The following BFSP1 variants were observed in gnomAD, a reference collection of about 807,000 sequenced individuals.
The protein encoded by BFSP1 is beaded filament structural protein 1.
In BFSP1, 38 loss-of-function variants were observed where a neutral mutation model predicts 43.9. The ratio of observed to expected loss-of-function variants is 0.87; its 90% confidence interval spans 0.67 to 1.14. BFSP1 has a LOEUF of 1.14. BFSP1 is among the 50% of genes most tolerant of loss of function. The pLI is 0.00. For synonymous variants in BFSP1, 352 were observed against 354.8 expected, an observed-to-expected ratio of 0.99 and a Z score of 0.09; for missense variants, 850 against 875.1, an observed-to-expected ratio of 0.97 and a Z score of 0.36.
upstream of BFSP1, chr20:17,558,976 C>A: frequency 2.8e-6 from 1 of 356,032 alleles, no homozygotes; most frequent in Non-Finnish European, 5.0e-6. Flanking sequence ...AGGGGACCAC[C>A]TCTTAATGAC....
At chr20:17,538,139 A>C (rs2034660308) in intron 1 of BFSP1, among the ~76,000 whole-genome samples, 1 of 147,258 alleles carries the variant, frequency 6.8e-6, no homozygotes, top group African/African-American at 2.5e-5. Context: ...AAAAAAAGAA[A>C]GAGAGAAAGG....
exon 1 of BFSP1, chr20:17,558,742 C>G: frequency 6.4e-7 from 1 of 1,551,128 alleles, no homozygotes. Context: ...CCATTCAGCT[C>G]ACATCCAAGG....
intron 1 of BFSP1, among the ~76,000 whole-genome samples, chr20:17,538,489 A>G (rs745514060): frequency 2.0e-5 from 3 of 152,212 alleles, no homozygotes; most frequent in Non-Finnish European, 4.4e-5. Flanking sequence ...GTGTTTCTTA[A>G]TGATAGCAAG....
At chr20:17,559,931 G>A (rs955946748), upstream of BFSP1, among the ~76,000 whole-genome samples, 4 of 152,048 alleles carry the variant, frequency 2.6e-5, no homozygotes, top group African/African-American at 4.8e-5. Context: ...GACTGGCAGT[G>A]GAAATATTGG....
chr20:17,498,779 G>C, intron 6 of BFSP1, 41 bp downstream of exon 6: 1 of 1,592,734 alleles, frequency 6.3e-7, no homozygotes, highest in Non-Finnish European at 8.6e-7. Flanking sequence ...AAAGAGTTGT[G>C]GAAGGAATAA....
chr20:17,535,769 C>T (rs2034618332), upstream of BFSP1, among the ~76,000 whole-genome samples: 1 of 151,996 alleles, frequency 6.6e-6, no homozygotes, highest in African/African-American at 2.4e-5. Context: ...AGTGTGATCA[C>T]CTTTGCAGTA....
At chr20:17,552,911 C>T (rs372677794) in intron 1 of BFSP1, among the ~76,000 whole-genome samples, 2 of 152,278 alleles carry the variant, frequency 1.3e-5, no homozygotes, top group East Asian at 1.9e-4. Flanking sequence ...AGTCAGAAAT[C>T]TGGAGAGAGG....
chr20:17,524,968 C>T (rs1475176014), intron 1 of BFSP1, 60 bp from the exon 2 acceptor site: 20 of 1,433,134 alleles, frequency 1.4e-5, no homozygotes, highest in Non-Finnish European at 2.0e-5. Context: ...ATGTATGGAT[C>T]ACATAATCAG....
chr20:17,511,769 G>A (rs1022342625), intron 4 of BFSP1, among the ~76,000 whole-genome samples: 33 of 152,138 alleles, frequency 2.2e-4, no homozygotes, highest in Non-Finnish European at 1.6e-4. Flanking sequence ...TCAAGGATGC[G>A]GTTTACATCC....
chr20:17,562,526 CAAAAAAAAAAAA>C (rs550158623), upstream of BFSP1, among the ~76,000 whole-genome samples: 1 of 48,018 alleles, frequency 2.1e-5, no homozygotes, highest in South Asian at 9.7e-4. Flanking sequence ...GACTCTGTCT[CAAAAAAAAAAAA>C]AAAAAAAAAA....
rs1164192082 is a variant in BFSP1, at chr20:17,494,593, A to T, written c.1479T>A (p.Gly493=). The T allele has an allele frequency of 6.2e-7, 1 of 1,613,870 alleles. No individual in the cohort carries two copies. The highest frequency in any genetic ancestry group is 2.2e-5 in the East Asian group (1 of 44,888). The stretch of plus-strand genomic sequence containing the variant: ...CTTCCGCAACAGAAACAGCCACCCC[A>T]CCTTTAGCTGTGATGGAGGAGACAT... ...RFYVSSITAK[G]GVAVSVAEDS... The change falls in exon 8 of 8, where the codon GGT becomes GGA. Residue 493 remains glycine, a synonymous_variant. Coordinates refer to ENST00000377873, the MANE Select transcript of BFSP1 (RefSeq NM_001195.5).
At chr20:17,529,732 T>C (rs2034493693) in intron 1 of BFSP1, among the ~76,000 whole-genome samples, 2 of 152,208 alleles carry the variant, frequency 1.3e-5, no homozygotes, top group African/African-American at 2.4e-5. Context: ...GTGAGTATCT[T>C]TGCAGGCATG....
intron 1 of BFSP1, among the ~76,000 whole-genome samples, chr20:17,537,234 G>C (rs2034641580): frequency 6.6e-6 from 1 of 152,206 alleles, no homozygotes. Context: ...GCCATGGAAA[G>C]TGACAGCCCA....
At position 17,509,606 on chromosome 20, in the gene BFSP1, C is replaced by G. The variant is rs568181703; in HGVS notation, c.628-610G>C. Reference sequence around the variant, plus strand: ...AGAGACTCTAGAAAAGGATTTGACTCTCAAAGCCTCTGTTTTCCCTTCTGT... The same window carrying G: ...AGAGACTCTAGAAAAGGATTTGACTGTCAAAGCCTCTGTTTTCCCTTCTGT... On this transcript the variant is annotated intron_variant, in intron 4 of 7. Coordinates refer to ENST00000377873, the MANE Select transcript of BFSP1 (RefSeq NM_001195.5). Among the ~76,000 whole-genome samples the G allele has an allele frequency of 1.7e-3, 265 of 152,102 alleles. 1 individual carries two copies. The highest frequency in any genetic ancestry group is 3.2e-3 in the Non-Finnish European group (218 of 68,030).
chr20:17,543,607 A>C (rs1026928415), intron 1 of BFSP1, among the ~76,000 whole-genome samples: 2 of 152,208 alleles, frequency 1.3e-5, no homozygotes, highest in Admixed American at 6.5e-5. Context: ...CCATTGGGTG[A>C]ATGCAGACTC....
At chr20:17,556,231 A>C (rs980958306) in intron 1 of BFSP1, among the ~76,000 whole-genome samples, 4 of 152,164 alleles carry the variant, frequency 2.6e-5, no homozygotes, top group Non-Finnish European at 5.9e-5. Context: ...AGCCGGGTGC[A>C]GTGGCTCGTG....
rs1600653723 is a variant in BFSP1, at chr20:17,516,989, A to G, written c.439-2173T>C. On this transcript the variant is annotated intron_variant, in intron 2 of 7. Coordinates refer to ENST00000377873, the MANE Select transcript of BFSP1 (RefSeq NM_001195.5). ...AAAGACTGATCTTTGCTAGCAAGCA[A>G]CTGGAGGATGGATGTGCTTTGTCTG... 3 of 762,498 alleles carry G rather than the reference A, an allele frequency of 3.9e-6. No individual in the cohort carries two copies. The South Asian group carries it at 4.0e-5, about 10-fold the overall frequency. 47.2% of individuals were successfully genotyped at this position (762,498 alleles called of 1,614,324 possible). A position where few individuals can be genotyped will look rare whatever the true frequency, so the allele number is the denominator to read the frequency against.
At chr20:17,552,379 G>A (rs1453858837) in intron 1 of BFSP1, among the ~76,000 whole-genome samples, 3 of 152,162 alleles carry the variant, frequency 2.0e-5, no homozygotes, top group South Asian at 4.2e-4. Context: ...GATAGAGTGC[G>A]GGTCAGATGA....
chr20:17,500,588 T>C (rs2033772794), intron 5 of BFSP1, among the ~76,000 whole-genome samples: 1 of 152,238 alleles, frequency 6.6e-6, no homozygotes, highest in Non-Finnish European at 1.5e-5. Flanking sequence ...TAAACAACTA[T>C]GTTACTGGTT....
Sources: gnomAD v4.1 joint callset for allele counts (sites outside exome capture counted in the v4.1 genomes callset) on GRCh38, gnomAD v4.1.1 for gene constraint, MANE v1.5 for transcripts, NCBI Gene and HGNC (gene_info 2026-07-23, HGNC 2026-07-21) for gene names.